The following PDCL2 variants were observed in gnomAD, a reference collection of about 807,000 sequenced individuals.
PDCL2 encodes the protein phosducin like 2.
Under a neutral mutation model 30.3 loss-of-function variants are expected in PDCL2, and 23 were observed. The ratio of observed to expected loss-of-function variants is 0.76; its 90% CI spans 0.55 to 1.08. PDCL2 has a LOEUF of 1.08. Among genes scored for constraint, PDCL2 ranks in the 50% least tolerant of loss-of-function variants. The pLI, the probability that PDCL2 is intolerant of heterozygous loss-of-function variation, is 0.00. For synonymous variants in PDCL2, 68 were observed against 86.2 expected (o/e 0.79, Z 1.17); for missense variants, 243 against 282.3 (o/e 0.86, Z 1.00).
chr4:55,582,036 C>T (rs1732728986), intron 2 of PDCL2, 81 bp downstream of exon 2: 1 of 1,549,808 alleles, frequency 6.5e-7, no homozygotes, highest in Non-Finnish European at 8.8e-7. Flanking sequence ...TGTCCTCTCT[C>T]CCACTATGTT....
At chr4:55,567,805 G>C (rs983074848) in intron 4 of PDCL2, among the ~76,000 whole-genome samples, 3 of 152,130 alleles carry the variant, frequency 2.0e-5, no homozygotes, top group African/African-American at 7.2e-5. Context: ...AGGCTAAAGG[G>C]AGATCATATC....
chr4:55,575,907 C>A (rs907860433), intron 3 of PDCL2, among the ~76,000 whole-genome samples: 1 of 152,036 alleles, frequency 6.6e-6, no homozygotes, highest in Non-Finnish European at 1.5e-5. Flanking sequence ...ACCAAGGGAC[C>A]TAGACCTGCC....
At chr4:55,573,845 TA>T (rs201924394) in intron 3 of PDCL2, among the ~76,000 whole-genome samples, 4,948 of 150,386 alleles carry the variant, frequency 0.033, 282 homozygotes, top group African/African-American at 0.11. Context: ...TTTTATCAAG[TA>T]AAAAAAAAGT....
Position 55,565,973 on chromosome 4 carries a change from G to GTTTTTTTTTTTTTTTTTTTTTTTTT in PDCL2, c.363-3386_363-3362dup, listed in dbSNP as rs71194595. On this transcript the variant is annotated intron_variant, in intron 4 of 5. Transcript: ENST00000295645. ...AAGCTGTAAGTAAATCCATTTTTCTGTTTTTTTTTTTTTTTTTTTTTTTTT... is the reference window on the plus strand; with the variant it reads ...AAGCTGTAAGTAAATCCATTTTTCTGTTTTTTTTTTTTTTTTTTTTTTTTTTTTTTTTTTTTTTTTTTTTTTTTTT... Among the ~76,000 whole-genome samples the GTTTTTTTTTTTTTTTTTTTTTTTTT allele has an allele frequency of 2.7e-5, 2 of 74,494 alleles. 1 individual carries two copies. The highest frequency in any genetic ancestry group is 4.8e-5 in the Non-Finnish European group (2 of 42,052). The allele number at this position is 74,494 out of a possible 152,430, so 48.9% of individuals were successfully genotyped here.
chr4:55,558,985 A>C lies in PDCL2; in HGVS notation c.572-2274T>G, dbSNP rs542548631. ...ATGACAAAATGGACAAAGTATATAA[A>C]CAGGAGAGGAAATCAGAATGACCAA... is the stretch of plus-strand genomic sequence containing the variant. On this transcript the variant is annotated intron_variant, in intron 5 of 5. Transcript: ENST00000295645. Among the ~76,000 whole-genome samples the C allele has an allele frequency of 2.0e-3, 303 of 152,328 alleles. 1 individual carries two copies. The highest frequency in any genetic ancestry group is 7.1e-3 in the African/African-American group (294 of 41,574).
chr4:55,583,734 ATGAGTTCATTTT>A (rs1732787298), intron 1 of PDCL2, among the ~76,000 whole-genome samples: 1 of 152,180 alleles, frequency 6.6e-6, no homozygotes, highest in African/African-American at 2.4e-5. Context: ...CTGTAAATGC[ATGAGTTCATTTT>A]TGAGTTCTCC....
chr4:55,586,331 C>T (rs1370050904), intron 1 of PDCL2, among the ~76,000 whole-genome samples: 1 of 152,182 alleles, frequency 6.6e-6, no homozygotes, highest in African/African-American at 2.4e-5. Flanking sequence ...AATAGCCCCT[C>T]ATTCTCTCCT....
chr4:55,592,200 G>A lies in PDCL2; in HGVS notation c.-91C>T, dbSNP rs1733023421. On this transcript the variant is annotated 5_prime_UTR_variant, in exon 1 of 6. Transcript: ENST00000295645. ...ACCCGCAGCCTTCTCCAGGCTGGAA[G>A]AGCGCCCGCTTCAGGCCCGGCGGTT... 7.7e-6 allele frequency: 12 copies of A among 1,558,986 alleles called. No homozygotes were observed. The highest frequency in any genetic ancestry group is 2.4e-5 in the East Asian group (1 of 41,716).
chr4:55,575,444 C>A (rs1732540973), intron 3 of PDCL2, among the ~76,000 whole-genome samples: 1 of 151,526 alleles, frequency 6.6e-6, no homozygotes, highest in Admixed American at 6.6e-5. Flanking sequence ...GACCAACACA[C>A]ATGTTGTGTG....
At chr4:55,579,852 GT>G (rs964413211) in intron 3 of PDCL2, among the ~76,000 whole-genome samples, 8 of 144,600 alleles carry the variant, frequency 5.5e-5, no homozygotes, top group African/African-American at 1.0e-4. Flanking sequence ...TTTTTTGTTT[GT>G]TTTTTTTTTC....
intron 3 of PDCL2, 89 bp downstream of exon 3, chr4:55,580,732 A>T: frequency 1.0e-6 from 1 of 957,404 alleles, no homozygotes; most frequent in Non-Finnish European, 1.5e-6. Context: ...GTTCTTTGTA[A>T]AATCTATGTG....
At chr4:55,580,738 A>T in intron 3 of PDCL2, 83 bp downstream of exon 3, 1 of 976,104 alleles carries the variant, frequency 1.0e-6, no homozygotes, top group South Asian at 2.6e-5. Flanking sequence ...TGTAAAATCT[A>T]TGTGACAAGA....
In PDCL2 at chr4:55,582,150, CTTCAAT is replaced by C; in HGVS notation, c.88_93del (p.Ile30_Glu31del). On this transcript the variant is annotated inframe_deletion, in exon 2 of 6. Transcript: ENST00000295645. ...TCTTTCTGTAAACGTAAAACCATTT[CTTCAAT>C]TTCATCTTTTGACTCTTCTTTAGGA... The C allele has an allele frequency of 1.2e-6, 2 of 1,613,300 alleles. No homozygotes were observed. The highest frequency in any genetic ancestry group is 1.7e-6 in the Non-Finnish European group (2 of 1,179,722).
rs563091482 is a variant in PDCL2 at position 55,579,908 on chromosome 4, G to T, written c.218+913C>A. ...GTTGCCCAGGCTGGAGTGCAATGGC[G>T]CAATCTTGGCTCACCACAACCTCTG... On this transcript the variant is annotated intron_variant, in intron 3 of 5. Coordinates refer to ENST00000295645, the MANE Select transcript of PDCL2 (RefSeq NM_152401.3). Among the ~76,000 whole-genome samples, 13 of 150,938 alleles carry T rather than the reference G, an allele frequency of 8.6e-5. No homozygotes were observed. The East Asian group carries it at 2.6e-3, about 30-fold the overall frequency.
At chr4:55,561,080 A>T (rs772412140) in intron 5 of PDCL2, among the ~76,000 whole-genome samples, 30 of 152,194 alleles carry the variant, frequency 2.0e-4, no homozygotes, top group Non-Finnish European at 4.0e-4. Context: ...GTATTCTTTT[A>T]TGTACTCTTA....
At chr4:55,580,660 G>A (rs1025521803) in intron 3 of PDCL2, among the ~76,000 whole-genome samples, 161 bp downstream of exon 3, 1 of 152,042 alleles carries the variant, frequency 6.6e-6, no homozygotes, top group Non-Finnish European at 1.5e-5. Context: ...ATGATGTAAT[G>A]ATGTAATAAA....
chr4:55,571,976 C>T (rs1264175545), intron 3 of PDCL2, among the ~76,000 whole-genome samples: 2 of 152,006 alleles, frequency 1.3e-5, no homozygotes, highest in Admixed American at 1.3e-4. Flanking sequence ...GGCTTAATAT[C>T]ATTCAGAAAT....
chr4:55,587,826 G>C (rs1034120473), intron 1 of PDCL2, among the ~76,000 whole-genome samples: 2 of 152,086 alleles, frequency 1.3e-5, no homozygotes, highest in Non-Finnish European at 2.9e-5. Flanking sequence ...AAAGTGCTGG[G>C]ATTACAGGTT....
At chr4:55,560,712 T>C (rs989768039) in intron 5 of PDCL2, among the ~76,000 whole-genome samples, 1 of 152,154 alleles carries the variant, frequency 6.6e-6, no homozygotes, top group Non-Finnish European at 1.5e-5. Context: ...AAAATTCATA[T>C]GTTGAAATCC....
Sources: allele counts gnomAD v4.1 joint callset (sites outside exome capture counted in the v4.1 genomes callset), GRCh38; gene constraint gnomAD v4.1.1; transcripts MANE v1.5; gene names NCBI Gene and HGNC (gene_info 2026-07-23, HGNC 2026-07-21).